The following GRID2 variants were observed in gnomAD, a reference collection of about 807,000 sequenced individuals.
The protein encoded by GRID2 is glutamate ionotropic receptor delta type subunit 2, also known as glutamate receptor ionotropic, delta-2.
Under a neutral mutation model 114.8 loss-of-function variants are expected in GRID2, and 33 were observed. That is an observed-to-expected ratio of 0.29 (90% confidence interval 0.22 to 0.38). The LOEUF (loss-of-function observed/expected upper bound fraction) is 0.38. GRID2 is among the 10% of genes least tolerant of loss of function. The pLI, the probability that GRID2 is intolerant of heterozygous loss-of-function variation, is 1.00. For synonymous variants in GRID2, 505 were observed against 449.9 expected (o/e 1.12, Z -1.55); for missense variants, 1,184 against 1,257.7 (o/e 0.94, Z 0.89).
intron 12 of GRID2, among the ~76,000 whole-genome samples, chr4:93,511,270 A>C (rs1421157651): frequency 1.3e-5 from 2 of 152,074 alleles, no homozygotes; most frequent in African/African-American, 4.8e-5. Flanking sequence ...AAAGAGTTTC[A>C]GTGTTTATTG....
At chr4:93,555,931 T>A (rs1162052389) in intron 13 of GRID2, among the ~76,000 whole-genome samples, 1 of 152,194 alleles carries the variant, frequency 6.6e-6, no homozygotes, top group Non-Finnish European at 1.5e-5. Context: ...GTCTTTGCTG[T>A]TCTGCAGCCT....
chr4:92,901,974 A>C (rs1191831303), intron 2 of GRID2, among the ~76,000 whole-genome samples: 1 of 152,040 alleles, frequency 6.6e-6, no homozygotes, highest in Non-Finnish European at 1.5e-5. Flanking sequence ...GGTAGGACTC[A>C]AGTATGAATC....
At chr4:93,039,113 A>G (rs1047538907) in intron 2 of GRID2, among the ~76,000 whole-genome samples, 1 of 152,200 alleles carries the variant, frequency 6.6e-6, no homozygotes. Flanking sequence ...TGTGGCACAT[A>G]TACACCATGG....
rs994463671 is a variant in GRID2 at position 92,620,992 on chromosome 4, T to C, written c.244+30706T>C. On this transcript the variant is annotated intron_variant, in intron 2 of 15. Coordinates refer to ENST00000282020, the MANE Select transcript of GRID2 (RefSeq NM_001510.4). ...TTAGCTAGAGGAACAAAATAAAGAATGCCAAAAAAAAAAAAAAAAGAATTT... is the reference window on the plus strand; with the variant it reads ...TTAGCTAGAGGAACAAAATAAAGAACGCCAAAAAAAAAAAAAAAAGAATTT... Among the ~76,000 whole-genome samples, 4 of 108,898 alleles carry C rather than the reference T, an allele frequency of 3.7e-5. No individual in the cohort carries two copies. The Admixed American group carries it at 4.0e-4, about 11-fold the overall frequency. The allele number at this position is 108,898 out of a possible 152,430, so 71.4% of individuals were successfully genotyped here. A position where few individuals can be genotyped will look rare whatever the true frequency, so the allele number is the denominator to read the frequency against.
At chr4:93,255,008 T>C (rs1749406054) in intron 8 of GRID2, among the ~76,000 whole-genome samples, 1 of 152,194 alleles carries the variant, frequency 6.6e-6, no homozygotes, top group Non-Finnish European at 1.5e-5. Context: ...TCCTAAATGC[T>C]ATTTATTTTC....
chr4:93,569,260 CCA>C (rs1735716041), intron 13 of GRID2, among the ~76,000 whole-genome samples: 1 of 152,296 alleles, frequency 6.6e-6, no homozygotes, highest in Admixed American at 6.5e-5. Context: ...ATTACTCCCA[CCA>C]CAGTTTCCTG....
At chr4:92,709,875 C>T (rs1013522521) in intron 2 of GRID2, among the ~76,000 whole-genome samples, 3 of 151,756 alleles carry the variant, frequency 2.0e-5, no homozygotes, top group African/African-American at 7.3e-5. Context: ...GATGCCTATT[C>T]TCAAACATCT....
intron 1 of GRID2, among the ~76,000 whole-genome samples, chr4:92,350,906 A>G (rs919415474): frequency 6.6e-6 from 1 of 151,874 alleles, no homozygotes; most frequent in African/African-American, 2.4e-5. Context: ...TGGATGTTTC[A>G]TATAAATGGA....
chr4:93,395,789 T>C, intron 9 of GRID2, 81 bp downstream of exon 9: 1 of 649,574 alleles, frequency 1.5e-6, no homozygotes, highest in Admixed American at 2.4e-5. Flanking sequence ...ACTGATGACA[T>C]AATCTTAAAA....
intron 2 of GRID2, among the ~76,000 whole-genome samples, chr4:92,727,136 G>A (rs533308980): frequency 6.6e-6 from 1 of 151,938 alleles, no homozygotes; most frequent in African/African-American, 2.4e-5. Context: ...CTATGTATTT[G>A]TATATACAGA....
At chr4:93,622,471 T>A (rs1742299317) in intron 13 of GRID2, among the ~76,000 whole-genome samples, 2 of 152,186 alleles carry the variant, frequency 1.3e-5, no homozygotes, top group Non-Finnish European at 2.9e-5. Context: ...ATGCAGTAAC[T>A]TTGGGATTAG....
intron 14 of GRID2, among the ~76,000 whole-genome samples, chr4:93,731,890 T>C (rs1210826119): frequency 2.0e-5 from 3 of 152,208 alleles, no homozygotes; most frequent in Non-Finnish European, 4.4e-5. Context: ...AGCCAAGTTT[T>C]GCTTCTGTTC....
At chr4:93,560,226 A>T (rs1209286446) in intron 13 of GRID2, among the ~76,000 whole-genome samples, 1 of 86,788 alleles carries the variant, frequency 1.2e-5, no homozygotes, top group African/African-American at 4.7e-5. Flanking sequence ...TTAAAGTAAA[A>T]AAAAAAAAAA....
intron 2 of GRID2, among the ~76,000 whole-genome samples, chr4:92,673,002 C>A (rs573387820): frequency 1.3e-5 from 2 of 152,222 alleles, no homozygotes; most frequent in Non-Finnish European, 2.9e-5. Context: ...CTGGAACCAC[C>A]AGTTTACTCT....
At chr4:92,475,387 G>A (rs1192880094) in intron 1 of GRID2, among the ~76,000 whole-genome samples, 1 of 151,120 alleles carries the variant, frequency 6.6e-6, no homozygotes, top group Non-Finnish European at 1.5e-5. Flanking sequence ...TCTTCTGCTT[G>A]TGGGTTTCCA....
intron 4 of GRID2, among the ~76,000 whole-genome samples, chr4:93,196,931 G>T (rs1396494060): frequency 3.3e-5 from 5 of 152,110 alleles, no homozygotes; most frequent in African/African-American, 1.2e-4. Context: ...ATGTGTGTGT[G>T]TACATGAAAT....
intron 1 of GRID2, among the ~76,000 whole-genome samples, chr4:92,524,475 C>T (rs1306467662): frequency 7.5e-6 from 1 of 132,626 alleles, no homozygotes; most frequent in African/African-American, 3.0e-5. Context: ...TATGACTTCT[C>T]ATATACTCAC....
chr4:93,180,795 G>T (rs965624212), intron 4 of GRID2, among the ~76,000 whole-genome samples: 2 of 152,116 alleles, frequency 1.3e-5, no homozygotes, highest in Admixed American at 6.6e-5. Flanking sequence ...TCATGAGATT[G>T]CAGGAATCCA....
intron 1 of GRID2, among the ~76,000 whole-genome samples, chr4:92,535,083 TA>T (rs1725547882): frequency 6.6e-6 from 1 of 152,188 alleles, no homozygotes. Flanking sequence ...TTATATGGGC[TA>T]ACTATCCAGT....
Sources: allele counts gnomAD v4.1 joint callset (sites outside exome capture counted in the v4.1 genomes callset), GRCh38; gene constraint gnomAD v4.1.1; transcripts MANE v1.5; gene names NCBI Gene and HGNC (gene_info 2026-07-23, HGNC 2026-07-21).